Variants in ZFYVE1 observed in about 807,000 individuals in gnomAD.
The protein encoded by ZFYVE1 is zinc finger FYVE-type containing 1.
A neutral mutation model predicts 74.4 loss-of-function variants in ZFYVE1; 30 were observed. The ratio of observed to expected loss-of-function variants is 0.40; its 90% CI spans 0.30 to 0.55. The LOEUF (loss-of-function observed/expected upper bound fraction) is 0.55. Ranked by LOEUF, ZFYVE1 falls within the 20% of genes least tolerant of loss-of-function variation. The pLI is 0.42. For missense variants in ZFYVE1, 703 were observed against 1,011.6 expected, an observed-to-expected ratio of 0.69 and a Z score of 4.14; for synonymous variants, 335 against 385.1, an observed-to-expected ratio of 0.87 and a Z score of 1.52.
chr14:73,025,904 T>C (rs1053059908), intron 1 of ZFYVE1, among the ~76,000 whole-genome samples: 6 of 151,980 alleles, frequency 3.9e-5, no homozygotes, highest in African/African-American at 1.5e-4. Context: ...CCCACATGCA[T>C]CCCACAATTG....
chr14:72,992,717 C>T (rs903398786), intron 4 of ZFYVE1, among the ~76,000 whole-genome samples: 1 of 149,696 alleles, frequency 6.7e-6, no homozygotes, highest in Non-Finnish European at 1.5e-5. Flanking sequence ...ACAATTTCTA[C>T]CTGTGATACT....
chr14:72,984,616 C>A lies in ZFYVE1; in HGVS notation c.1204-2721G>T, dbSNP rs74062622. ...TGCTGAGAATAAATGAGAAGCAGGG[C>A]AAGTGGAATTATAAGTCGGCCTATA... On this transcript the variant is annotated intron_variant, in intron 4 of 11. Coordinates refer to ENST00000556143, the MANE Select transcript of ZFYVE1 (RefSeq NM_021260.4). Among the ~76,000 whole-genome samples, 903 of 152,052 alleles carry A rather than the reference C, an allele frequency of 5.9e-3. 15 individuals carry two copies. Among genetic ancestry groups the A allele is most frequent in the African/African-American group, 0.021 (869 of 41,484 alleles).
intron 5 of ZFYVE1, 23 bp from the exon 6 acceptor site, chr14:72,978,992 C>T (rs893421389): frequency 1.2e-6 from 2 of 1,605,618 alleles, no homozygotes; most frequent in African/African-American, 1.3e-5. Flanking sequence ...CAAAGACTGA[C>T]AATGAGACGG....
chr14:73,024,496 T>C lies in ZFYVE1; in HGVS notation c.13A>G (p.Thr5Ala), dbSNP rs778020672. The C allele has an allele frequency of 6.2e-6, 10 of 1,605,044 alleles. No homozygotes were observed. Among genetic ancestry groups the C allele is most frequent in the Non-Finnish European group, 7.7e-6 (9 of 1,174,792 alleles). Residue 5 changes from threonine (T) to alanine (A), a missense_variant, in exon 2 of 12, where the codon ACT becomes GCT. By Grantham distance (58) the Thr-to-Ala change is moderately conservative. Around this residue, in one of 2 missense-constraint regions of ZFYVE1, gnomAD observed 211 missense variants for 221.7 expected, o/e 0.95. Transcript: ENST00000556143. ...TTCAGGCCCTTCTCTGCTGGGGAAG[T>C]CTGGGCACTCATACTCACGCTGGTA... The part of the protein sequence containing the change: MSAQ[T>A]SPAEKGLNPG...
In ZFYVE1 at chr14:72,977,991, C is replaced by A; in HGVS notation, c.1571G>T (p.Trp524Leu). The change falls in exon 8 of 12, where the codon TGG becomes TTG. Residue 524 changes from tryptophan to leucine, a missense_variant. Transcript: ENST00000556143. ...ATCCACAGGATCTTGGTTTCCAAAC[C>A]AGTACTGCCGACTACGATAGACCAC... ...CGVVYRSRQY[W>L]FGNQDPVDTV... 1 of 1,614,174 alleles carries A rather than the reference C, an allele frequency of 6.2e-7. No homozygotes were observed. Among genetic ancestry groups the A allele is most frequent in the Non-Finnish European group, 8.5e-7 (1 of 1,180,034 alleles).
chr14:72,973,959 T>C (rs61986488), intron 11 of ZFYVE1, 121 bp downstream of exon 11: 47,322 of 758,634 alleles, frequency 0.062, 1,841 homozygotes, highest in Non-Finnish European at 0.081. Flanking sequence ...CATTGTGTAA[T>C]TGATTCCTTT....
In ZFYVE1 at chr14:72,969,685, T is replaced by G. The variant is rs1312311379; in HGVS notation, c.*1197A>C. 4.3e-6 allele frequency: 3 copies of G among 701,702 alleles called. No individual in the cohort carries two copies. In the African/African-American group the frequency reaches 5.2e-5, roughly 12 times the overall value. 43.5% of individuals were successfully genotyped at this position (701,702 alleles called of 1,614,324 possible). A position where few individuals can be genotyped will look rare whatever the true frequency, so the allele number is the denominator to read the frequency against. On this transcript the variant is annotated 3_prime_UTR_variant, in exon 12 of 12. Coordinates refer to ENST00000556143, the MANE Select transcript of ZFYVE1 (RefSeq NM_021260.4). The stretch of plus-strand genomic sequence containing the variant: ...TTAATTCGTGTTTGGCCACTGAAGA[T>G]CAAATCCACCATGATGATAGGATTT...
intron 2 of ZFYVE1, among the ~76,000 whole-genome samples, chr14:73,020,944 G>A (rs980658974): frequency 5.3e-5 from 8 of 151,952 alleles, no homozygotes; most frequent in East Asian, 2.0e-4. Flanking sequence ...ATGTTGGCCC[G>A]GCTGCTCTAG....
At chr14:72,993,401 TAAAAA>T in intron 3 of ZFYVE1, 44 bp from the exon 4 acceptor site, 6 of 1,226,304 alleles carry the variant, frequency 4.9e-6, no homozygotes, top group South Asian at 3.2e-5. Context: ...GAGTGACATT[TAAAAA>T]AAAAAAAAAA....
intron 2 of ZFYVE1, among the ~76,000 whole-genome samples, chr14:72,998,595 TAAAACTCTTAGAGG>T (rs1893804163): frequency 6.6e-6 from 1 of 151,880 alleles, no homozygotes; most frequent in African/African-American, 2.4e-5. Flanking sequence ...GCTAAAACCG[TAAAACTCTTAGAGG>T]AAAACAAAGT....
Position 72,969,875 on chromosome 14 carries a change from C to T in ZFYVE1, c.*1007G>A. On this transcript the variant is annotated 3_prime_UTR_variant, in exon 12 of 12. Coordinates refer to ENST00000556143, the MANE Select transcript of ZFYVE1 (RefSeq NM_021260.4). ...CTTTTAAAAACAACTAACAGTTCATCCTGTGCTCAGTTTCCCTGGAAGGTT... is the reference window on the plus strand; with the variant it reads ...CTTTTAAAAACAACTAACAGTTCATTCTGTGCTCAGTTTCCCTGGAAGGTT... 1 of 624,218 alleles carries T rather than the reference C, an allele frequency of 1.6e-6. No homozygotes were observed. The highest frequency in any genetic ancestry group is 2.8e-6 in the Non-Finnish European group (1 of 351,434). 38.7% of individuals were successfully genotyped at this position (624,218 alleles called of 1,614,324 possible).
chr14:72,997,906 G>C lies in ZFYVE1; in HGVS notation c.893C>G (p.Thr298Ser), dbSNP rs764525052. 1 of 1,614,188 alleles carries C rather than the reference G, an allele frequency of 6.2e-7. No individual in the cohort carries two copies. The highest frequency in any genetic ancestry group is 1.7e-5 in the Admixed American group (1 of 60,024). Residue 298 changes from threonine to serine, a missense_variant, in exon 3 of 12, where the codon ACC becomes AGC. Physicochemically the swap from Thr to Ser is moderately conservative, Grantham distance 58. Coordinates refer to ENST00000556143, the MANE Select transcript of ZFYVE1 (RefSeq NM_021260.4). ...GACATCCAGGCCACAGCGAGCAGTG[G>C]TGGCCTTGAGCTCCTTGGTGAAGTG... ...LKHFTKELKA[T>S]TARCGLDVPL... is the part of the protein sequence containing the mutation.
rs530348810 is a variant in ZFYVE1, at chr14:72,975,457, C to T, written c.1806+94G>A. 2.8e-5 allele frequency: 41 copies of T among 1,459,802 alleles called. 1 individual carries two copies. Among genetic ancestry groups the T allele is most frequent in the South Asian group, 2.2e-4 (16 of 71,132 alleles). 90.4% of individuals were successfully genotyped at this position (1,459,802 alleles called of 1,614,324 possible). A position where few individuals can be genotyped will look rare whatever the true frequency, so the allele number is the denominator to read the frequency against. ...TCACTGCACTGGCAGAAAATGTTTG[C>T]GTCTCCCTCACAGAACAAGCTTAGC... On this transcript the variant is annotated intron_variant, in intron 9 of 11. Coordinates refer to ENST00000556143, the MANE Select transcript of ZFYVE1 (RefSeq NM_021260.4). The surrounding 1 kb of genome is among the most constrained non-coding windows in gnomAD (Gnocchi z 4.1).
intron 4 of ZFYVE1, among the ~76,000 whole-genome samples, chr14:72,982,776 C>T (rs1240088004): frequency 2.0e-5 from 3 of 151,948 alleles, no homozygotes; most frequent in East Asian, 1.9e-4. Context: ...CTTCCATAAA[C>T]GGGCAGAAGA....
intron 8 of ZFYVE1, among the ~76,000 whole-genome samples, chr14:72,977,297 T>C (rs996084688): frequency 2.0e-5 from 3 of 151,916 alleles, no homozygotes; most frequent in Non-Finnish European, 4.4e-5. Flanking sequence ...TCCCAGCTAC[T>C]CGGGAAGCTG....
At chr14:73,023,155 C>A (rs1894352977) in intron 2 of ZFYVE1, among the ~76,000 whole-genome samples, 2 of 88,184 alleles carry the variant, frequency 2.3e-5, no homozygotes, top group Admixed American at 1.8e-4. Flanking sequence ...AGCGAAATTC[C>A]ATCTCAAAAA....
chr14:73,010,685 G>A (rs746760507), intron 2 of ZFYVE1, among the ~76,000 whole-genome samples: 7 of 148,308 alleles, frequency 4.7e-5, no homozygotes, highest in South Asian at 2.2e-4. Flanking sequence ...CAGGAGAATC[G>A]CTTGAACCGG....
chr14:73,015,062 C>A (rs953677238), intron 2 of ZFYVE1, among the ~76,000 whole-genome samples: 14 of 151,686 alleles, frequency 9.2e-5, no homozygotes, highest in Middle Eastern at 3.4e-3. Flanking sequence ...GAAACCCCGT[C>A]TCTACTAAAA....
At chr14:72,988,074 G>C (rs1893523720) in intron 4 of ZFYVE1, among the ~76,000 whole-genome samples, 1 of 151,872 alleles carries the variant, frequency 6.6e-6, no homozygotes, top group Admixed American at 6.6e-5. Context: ...ACATTTCCCG[G>C]TCAATAATAA....
Sources: allele counts gnomAD v4.1 joint callset (sites outside exome capture counted in the v4.1 genomes callset), GRCh38; gene constraint gnomAD v4.1.1; regional missense constraint gnomAD v4.1.1; non-coding constraint Gnocchi (gnomAD v3.1); transcripts MANE v1.5; gene names NCBI Gene and HGNC (gene_info 2026-07-23, HGNC 2026-07-21).